Variants in SPEF2 observed in about 807,000 individuals in gnomAD.
SPEF2 encodes sperm flagella and cilia-associated protein 2.
SPEF2 carries 187 observed loss-of-function variants against 224.6 expected under a neutral mutation model. The ratio of observed to expected loss-of-function variants is 0.83; its 90% CI spans 0.74 to 0.94. SPEF2 has a LOEUF of 0.94. SPEF2 is among the 40% of genes least tolerant of loss of function. The pLI, the probability that SPEF2 is intolerant of heterozygous loss-of-function variation, is 0.00. For missense variants in SPEF2, 2,170 were observed against 2,135.6 expected, an observed-to-expected ratio of 1.02 and a Z score of -0.32; for synonymous variants, 715 against 707.3, an observed-to-expected ratio of 1.01 and a Z score of -0.17.
At chr5:35,753,849 A>G in intron 24 of SPEF2, 88 bp downstream of exon 24, 1 of 1,540,746 alleles carries the variant, frequency 6.5e-7, no homozygotes, top group Admixed American at 1.7e-5. Context: ...TGGGAATATG[A>G]GAGGTCTGTT....
At chr5:35,797,317 GGTGTGTGT>G (rs3219619) in intron 33 of SPEF2, among the ~76,000 whole-genome samples, 35,674 of 141,848 alleles carry the variant, frequency 0.25, 4,969 homozygotes, top group Middle Eastern at 0.31. Flanking sequence ...ATGGCTGACG[GGTGTGTGT>G]GTGTGTGTGT....
In SPEF2 at chr5:35,729,130, A is replaced by T. The variant is rs148524542; in HGVS notation, c.3063+1307A>T. ...GAAATATGGCACCAGCTCCATGTAG[A>T]TCTTCCAGCATTCGGGATTCTATAG... On this transcript the variant is annotated intron_variant, in intron 21 of 36. Transcript: ENST00000356031. 2.1e-4 allele frequency among the ~76,000 whole-genome samples: 32 copies of T among 152,310 alleles called. No individual in the cohort carries two copies. The East Asian group carries it at 4.4e-3, about 21-fold the overall frequency.
At position 35,629,845 on chromosome 5, in the gene SPEF2, G is replaced by C. The variant is rs559938893; in HGVS notation, c.161+1283G>C. 2.6e-5 allele frequency among the ~76,000 whole-genome samples: 4 copies of C among 152,176 alleles called. No individual in the cohort carries two copies. In the South Asian group the frequency reaches 8.3e-4, roughly 32 times the overall value. On this transcript the variant is annotated intron_variant, in intron 2 of 36. Transcript: ENST00000356031. ...CTTCACTTAGGATAATGTTTGCAAG[G>C]TTCACCCATGTTAGCAAGTATCAGT...
intron 36 of SPEF2, among the ~76,000 whole-genome samples, chr5:35,813,638 G>T (rs1580820964): frequency 6.6e-6 from 1 of 152,148 alleles, no homozygotes; most frequent in African/African-American, 2.4e-5. Flanking sequence ...GATCTCTAAA[G>T]AAAATGATTC....
intron 23 of SPEF2, 38 bp downstream of exon 23, chr5:35,740,305 G>A (rs1329062081): frequency 1.9e-6 from 3 of 1,608,852 alleles, no homozygotes; most frequent in Non-Finnish European, 2.5e-6. Context: ...GGGTTAGCTG[G>A]CTTTCATATC....
In SPEF2 at chr5:35,792,425, G is replaced by C; in HGVS notation, c.4533G>C (p.Trp1511Cys). The C allele has an allele frequency of 1.2e-6, 2 of 1,613,684 alleles. No homozygotes were observed. Among genetic ancestry groups the C allele is most frequent in the Non-Finnish European group, 8.5e-7 (1 of 1,179,760 alleles). The change falls in exon 31 of 37, where the codon TGG becomes TGC. Residue 1511 changes from tryptophan (W) to cysteine (C), a missense_variant. Transcript: ENST00000356031. ...GCACAAACAACTTTCCTAGTAATTG[G>C]ATGCACCTTACCCAACCTGAAGTAA... ...NLGTNNFPSN[W>C]MHLTQPELQE...
chr5:35,673,828 A>G (rs1482670737), intron 10 of SPEF2, among the ~76,000 whole-genome samples: 1 of 152,204 alleles, frequency 6.6e-6, no homozygotes, highest in Non-Finnish European at 1.5e-5. Context: ...ATGTGGTTGT[A>G]TATGTTATGG....
intron 28 of SPEF2, among the ~76,000 whole-genome samples, chr5:35,775,352 T>C (rs2149791226): frequency 6.6e-6 from 1 of 152,220 alleles, no homozygotes; most frequent in South Asian, 2.1e-4. Flanking sequence ...TTGAGCGGAA[T>C]TGGAAGACTA....
chr5:35,675,450 C>T (rs777189837), intron 10 of SPEF2, among the ~76,000 whole-genome samples: 5 of 151,936 alleles, frequency 3.3e-5, no homozygotes, highest in Admixed American at 2.0e-4. Flanking sequence ...TTACCTCTAA[C>T]TCCCTAAATT....
At chr5:35,747,416 C>T (rs972390993) in intron 23 of SPEF2, among the ~76,000 whole-genome samples, 3 of 152,152 alleles carry the variant, frequency 2.0e-5, no homozygotes, top group Admixed American at 2.0e-4. Context: ...AAGAACTCAC[C>T]AACCAACTAT....
intron 2 of SPEF2, among the ~76,000 whole-genome samples, chr5:35,632,102 T>A (rs1011051813): frequency 2.0e-4 from 31 of 152,340 alleles, no homozygotes; most frequent in Admixed American, 2.0e-3. Flanking sequence ...AACCTTTGCC[T>A]GTTACCCAGT....
intron 2 of SPEF2, among the ~76,000 whole-genome samples, chr5:35,636,244 A>G (rs1289389595): frequency 6.6e-6 from 1 of 152,190 alleles, no homozygotes; most frequent in Non-Finnish European, 1.5e-5. Flanking sequence ...ATCTTTCAAC[A>G]CTTTGGACCA....
At chr5:35,730,627 G>T (rs11960663) in intron 21 of SPEF2, among the ~76,000 whole-genome samples, 46,765 of 152,138 alleles carry the variant, frequency 0.31, 7,553 homozygotes, top group Middle Eastern at 0.39. Flanking sequence ...GGGCTATGGA[G>T]GACTTCTGCT....
In SPEF2 at chr5:35,739,758, G is replaced by T. The variant is rs112774971; in HGVS notation, c.3064-161G>T. 3.8e-3 allele frequency among the ~76,000 whole-genome samples: 577 copies of T among 152,246 alleles called. 10 individuals are homozygous for T. Among genetic ancestry groups the T allele is most frequent in the African/African-American group, 0.013 (553 of 41,534 alleles). Reference sequence around the variant, plus strand: ...ATTTGGAATATGAATTTGCTGGAGTGGGAGGCGTGTGAGAGAAGAGGAGCA... The same window carrying T: ...ATTTGGAATATGAATTTGCTGGAGTTGGAGGCGTGTGAGAGAAGAGGAGCA... On this transcript the variant is annotated intron_variant, in intron 21 of 36. Coordinates refer to ENST00000356031, the MANE Select transcript of SPEF2 (RefSeq NM_024867.4).
At chr5:35,646,216 AAGTTTGTG>A (rs1452834968) in intron 4 of SPEF2, among the ~76,000 whole-genome samples, 3 of 151,714 alleles carry the variant, frequency 2.0e-5, no homozygotes, top group African/African-American at 7.3e-5. Context: ...GGTTTTGGGG[AAGTTTGTG>A]ATTTTTATTG....
At chr5:35,813,569 C>T (rs1023685200) in intron 36 of SPEF2, among the ~76,000 whole-genome samples, 1 of 152,100 alleles carries the variant, frequency 6.6e-6, no homozygotes, top group African/African-American at 2.4e-5. Context: ...TTTTCTTTTC[C>T]ACTTGGTTCA....
At chr5:35,774,043 A>T in intron 28 of SPEF2, 22 bp downstream of exon 28, 1 of 1,607,754 alleles carries the variant, frequency 6.2e-7, no homozygotes, top group Non-Finnish European at 8.5e-7. Flanking sequence ...AACGACTAAG[A>T]TGATGCTTTT....
At chr5:35,750,404 G>A (rs1226626090) in intron 23 of SPEF2, among the ~76,000 whole-genome samples, 1 of 152,132 alleles carries the variant, frequency 6.6e-6, no homozygotes, top group African/African-American at 2.4e-5. Flanking sequence ...AGTCAGCAGA[G>A]TAAAAAGACA....
intron 10 of SPEF2, among the ~76,000 whole-genome samples, chr5:35,685,048 C>T (rs1276412211): frequency 3.3e-5 from 5 of 152,086 alleles, no homozygotes; most frequent in Non-Finnish European, 7.4e-5. Context: ...AATAATTTTG[C>T]AGATCCAATT....
Sources: gnomAD v4.1 joint callset for allele counts (sites outside exome capture counted in the v4.1 genomes callset) on GRCh38, gnomAD v4.1.1 for gene constraint, MANE v1.5 for transcripts, NCBI Gene and HGNC (gene_info 2026-07-23, HGNC 2026-07-21) for gene names.